The following ABLIM1 variants were observed in gnomAD, a reference collection of about 807,000 sequenced individuals.
ABLIM1 encodes actin binding LIM protein 1.
ABLIM1 carries 40 observed loss-of-function variants against 107.0 expected under a neutral mutation model. That is an observed-to-expected ratio of 0.37 (90% CI 0.29 to 0.49). The LOEUF is 0.49. Ranked by LOEUF, ABLIM1 falls within the 20% of genes least tolerant of loss-of-function variation. ABLIM1 has a pLI of 0.97. For missense variants in ABLIM1, 857 were observed against 1,008.5 expected, an observed-to-expected ratio of 0.85 and a Z score of 2.04; for synonymous variants, 357 against 357.3, an observed-to-expected ratio of 1.00 and a Z score of 0.01.
the ABLIM1 span, among the ~76,000 whole-genome samples, chr10:114,799,669 T>C: frequency 6.6e-6 from 1 of 152,236 alleles, no homozygotes; most frequent in Non-Finnish European, 1.5e-5. Context: ...CCTCCACTAG[T>C]CAAGCCACCA....
At chr10:114,444,181 T>G in intron 16 of ABLIM1, 47 bp from the exon 17 acceptor site, 1 of 1,466,822 alleles carries the variant, frequency 6.8e-7, no homozygotes, top group Non-Finnish European at 9.2e-7. Flanking sequence ...AAGCAAAGCT[T>G]GCAATTACTT....
rs550210396 is a variant in ABLIM1, at chr10:114,627,409, A to G, written c.245-25448T>C. ...CAATGCCTCTTTAAACATCTACATA[A>G]TATTAGTTATTTGTGAGCTTATTTA... On this transcript the variant is annotated intron_variant, in intron 1 of 22. Transcript: ENST00000533213. 2.6e-5 allele frequency among the ~76,000 whole-genome samples: 4 copies of G among 152,160 alleles called. No homozygotes were observed. In the South Asian group the frequency reaches 8.3e-4, roughly 32 times the overall value.
At chr10:114,573,462 G>A (rs1411752703) in intron 3 of ABLIM1, among the ~76,000 whole-genome samples, 2 of 152,226 alleles carry the variant, frequency 1.3e-5, no homozygotes, top group African/African-American at 4.8e-5. Context: ...TCCAGGGACA[G>A]GGCCATAGTT....
Position 114,629,778 on chromosome 10 carries a change from C to G in ABLIM1, c.245-27817G>C, listed in dbSNP as rs149317754. 1.1e-3 allele frequency among the ~76,000 whole-genome samples: 171 copies of G among 152,308 alleles called. No homozygotes were observed. The highest frequency in any genetic ancestry group is 3.9e-3 in the South Asian group (19 of 4,822). On this transcript the variant is annotated intron_variant, in intron 1 of 22. Transcript: ENST00000533213. This position sits in a 1 kb window ranked among gnomAD's most constrained non-coding sequence, Gnocchi z 4.0. ...TAAACGATCCCCAGTGCCCTTCTCA[C>G]TTTAAGGGCTATGAAGAAGTTCCCT...
intron 1 of ABLIM1, among the ~76,000 whole-genome samples, chr10:114,677,888 A>T (rs2080561764): frequency 6.6e-6 from 1 of 152,274 alleles, no homozygotes; most frequent in Non-Finnish European, 1.5e-5. Context: ...ATTTTGTAAC[A>T]GTATTCCAGG....
At chr10:114,695,725 T>C (rs573087934) in intron 1 of ABLIM1, among the ~76,000 whole-genome samples, 1 of 152,296 alleles carries the variant, frequency 6.6e-6, no homozygotes, top group Non-Finnish European at 1.5e-5. Flanking sequence ...GCAATGGCAT[T>C]GGAGACAATG....
chr10:114,603,044 T>TA (rs988297236), intron 1 of ABLIM1, among the ~76,000 whole-genome samples: 1 of 152,154 alleles, frequency 6.6e-6, no homozygotes, highest in African/African-American at 2.4e-5. Context: ...TGGTGATATA[T>TA]AAAAACATAC....
At chr10:114,786,454 A>C in the ABLIM1 span, among the ~76,000 whole-genome samples, 1 of 152,238 alleles carries the variant, frequency 6.6e-6, no homozygotes, top group Non-Finnish European at 1.5e-5. Context: ...AATTATATTT[A>C]GTTTTGAGCA....
chr10:114,778,580 C>CACACACAG, the ABLIM1 span: 1 of 141,268 alleles, frequency 7.1e-6, no homozygotes, highest in South Asian at 2.2e-4. Context: ...CACACACACA[C>CACACACAG]ACACACACAC....
chr10:114,767,808 C>A (rs574616515), intron 1 of ABLIM1, among the ~76,000 whole-genome samples: 9 of 152,174 alleles, frequency 5.9e-5, no homozygotes, highest in Non-Finnish European at 1.0e-4. Flanking sequence ...CGCCTCCCAG[C>A]CCAGACGCGC....
At chr10:114,525,575 A>G (rs558000552) in intron 6 of ABLIM1, among the ~76,000 whole-genome samples, 3 of 152,372 alleles carry the variant, frequency 2.0e-5, no homozygotes, top group Non-Finnish European at 4.4e-5. Flanking sequence ...CACCTATTCT[A>G]TAAGTACGCA....
intron 1 of ABLIM1, among the ~76,000 whole-genome samples, chr10:114,715,783 TA>T (rs914549860): frequency 1.3e-4 from 20 of 151,718 alleles, no homozygotes; most frequent in African/African-American, 4.1e-4. Context: ...TACATATATC[TA>T]AAAAAAAATT....
chr10:114,752,020 T>G lies in ABLIM1; in HGVS notation c.-213+16041A>C, dbSNP rs569031668. ...GGAGCCAGCACCTTCCCCAACCCTT[T>G]GCTCAAGTAACATTACATAAGAGGC... On this transcript the variant is annotated intron_variant, in intron 1 of 15. Coordinates refer to the ABLIM1 transcript ENST00000651092. Among the ~76,000 whole-genome samples, 3 of 152,282 alleles carry G rather than the reference T, an allele frequency of 2.0e-5. 1 individual carries two copies. In the South Asian group the frequency reaches 6.2e-4, roughly 32 times the overall value.
intron 1 of ABLIM1, among the ~76,000 whole-genome samples, chr10:114,680,510 A>G (rs1288265558): frequency 6.6e-6 from 1 of 152,236 alleles, no homozygotes; most frequent in Non-Finnish European, 1.5e-5. Flanking sequence ...TAGCAAGGGG[A>G]AAATAAATCC....
the ABLIM1 span, among the ~76,000 whole-genome samples, chr10:114,780,208 C>T: frequency 6.6e-6 from 1 of 152,120 alleles, no homozygotes. Context: ...AAACAGTGTC[C>T]TTGAGAGCAT....
chr10:114,618,970 T>C (rs2077299313), intron 1 of ABLIM1, among the ~76,000 whole-genome samples: 1 of 152,110 alleles, frequency 6.6e-6, no homozygotes, highest in Non-Finnish European at 1.5e-5. Context: ...GGGCTCTTGT[T>C]GCAAAAGTCC....
At chr10:114,504,107 A>G (rs2060800677) in intron 6 of ABLIM1, among the ~76,000 whole-genome samples, 1 of 152,244 alleles carries the variant, frequency 6.6e-6, no homozygotes, top group Non-Finnish European at 1.5e-5. Context: ...AATTGGGTTT[A>G]GAAGTTTGAG....
chr10:114,635,685 C>T (rs962115841), intron 1 of ABLIM1, among the ~76,000 whole-genome samples: 6 of 152,198 alleles, frequency 3.9e-5, no homozygotes, highest in African/African-American at 1.4e-4. Flanking sequence ...CCACGCCTGG[C>T]TAATTTTAGT....
At position 114,712,299 on chromosome 10, in the gene ABLIM1, G is replaced by T. The variant is rs556856913; in HGVS notation, c.-213+55762C>A. On this transcript the variant is annotated intron_variant, in intron 1 of 15. Coordinates refer to the ABLIM1 transcript ENST00000651092. ...ACCCGGGAGGCAGGGGCTGCAATGA[G>T]CCGAGATCACGCCACTGCACTCCAG... Among the ~76,000 whole-genome samples the T allele has an allele frequency of 2.2e-5, 3 of 137,306 alleles. No individual in the cohort carries two copies. The South Asian group carries it at 6.9e-4, about 32-fold the overall frequency. 90.1% of individuals were successfully genotyped at this position (137,306 alleles called of 152,430 possible).
Sources: allele counts gnomAD v4.1 joint callset (sites outside exome capture counted in the v4.1 genomes callset), GRCh38; gene constraint gnomAD v4.1.1; non-coding constraint Gnocchi (gnomAD v3.1); transcripts MANE v1.5; gene names NCBI Gene and HGNC (gene_info 2026-07-23, HGNC 2026-07-21).